The following ERBB3 variants were observed in gnomAD, a reference collection of about 807,000 sequenced individuals.
The protein encoded by ERBB3 is receptor tyrosine-protein kinase erbB-3.
ERBB3 carries 96 observed loss-of-function variants against 156.7 expected under a neutral mutation model. The observed-to-expected ratio is 0.61, with a 90% confidence interval of 0.52 to 0.73. The LOEUF is 0.73. Ranked by LOEUF, ERBB3 falls within the 30% of genes least tolerant of loss-of-function variation. ERBB3 has a pLI of 0.00. For missense variants in ERBB3, 1,406 were observed against 1,709.4 expected, an observed-to-expected ratio of 0.82 and a Z score of 3.13; for synonymous variants, 567 against 632.0, an observed-to-expected ratio of 0.90 and a Z score of 1.54.
rs148289233 is a variant in ERBB3 at position 56,089,683 on chromosome 12, T to G, written c.1109+815T>G. On this transcript the variant is annotated intron_variant, in intron 9 of 27. Transcript: ENST00000267101. ...TCACTTGAACCCAGGAGGCGGAAAT[T>G]GCAGTGAACCGAGATTACACCACCG... is the stretch of plus-strand genomic sequence containing the variant. Among the ~76,000 whole-genome samples, 71 of 151,068 alleles carry G rather than the reference T, an allele frequency of 4.7e-4. 1 individual carries two copies. In the East Asian group the frequency reaches 0.013, roughly 27 times the overall value.
chr12:56,097,630 T>A (rs1435332426), intron 20 of ERBB3, among the ~76,000 whole-genome samples, 155 bp from the exon 21 acceptor site: 1 of 151,098 alleles, frequency 6.6e-6, no homozygotes, highest in Admixed American at 6.6e-5. Flanking sequence ...ACCCTCCCCT[T>A]CCCCTGGAAA....
chr12:56,096,294 CT>C (rs1868886192), intron 17 of ERBB3: 1 of 634,564 alleles, frequency 1.6e-6, no homozygotes, highest in African/African-American at 1.8e-5. Flanking sequence ...AACCCAACCC[CT>C]TTGATTCCTG....
intron 9 of ERBB3, 107 bp downstream of exon 9, chr12:56,088,975 TA>T (rs1868579073): frequency 6.8e-7 from 1 of 1,463,558 alleles, no homozygotes; most frequent in Admixed American, 1.7e-5. Context: ...ATCAAAGTCA[TA>T]AAATTCTAGC....
Position 56,102,401 on chromosome 12 carries a change from C to T in ERBB3, c.*346C>T. On this transcript the variant is annotated 3_prime_UTR_variant, in exon 28 of 28. Transcript: ENST00000267101. ...GCTCTTGACTACTTGGAACTAGGCTCTTATGTGTGCCTTTGTTTCCCATCA... is the reference window on the plus strand; with the variant it reads ...GCTCTTGACTACTTGGAACTAGGCTTTTATGTGTGCCTTTGTTTCCCATCA... The T allele has an allele frequency of 3.2e-6, 1 of 309,246 alleles. No homozygotes were observed. The allele number at this position is 309,246 out of a possible 1,614,324, so 19.2% of individuals were successfully genotyped here. A position where few individuals can be genotyped will look rare whatever the true frequency, so the allele number is the denominator to read the frequency against.
intron 17 of ERBB3, chr12:56,096,123 T>C: frequency 2.0e-6 from 1 of 511,468 alleles, no homozygotes; most frequent in South Asian, 2.1e-5. Context: ...GAAATAACAT[T>C]TGTCCTTCCA....
chr12:56,092,256 G>A (rs984539040), intron 9 of ERBB3, among the ~76,000 whole-genome samples: 3 of 151,666 alleles, frequency 2.0e-5, no homozygotes, highest in Non-Finnish European at 4.4e-5. Flanking sequence ...AGGCATGGTG[G>A]TGTGCTCCTG....
Position 56,103,188 on chromosome 12 carries a change from T to A in ERBB3, c.*1133T>A, listed in dbSNP as rs1869183931. ...CATCCTCCTATACCTAGACATCTCA[T>A]CTCAGGAAGTGGTGGTGGGGGTAGT... On this transcript the variant is annotated 3_prime_UTR_variant, in exon 28 of 28. Coordinates refer to ENST00000267101, the MANE Select transcript of ERBB3 (RefSeq NM_001982.4). The A allele has an allele frequency of 4.3e-6, 1 of 230,176 alleles. No individual in the cohort carries two copies. The highest frequency in any genetic ancestry group is 6.2e-5 in the East Asian group (1 of 16,160). 14.3% of individuals were successfully genotyped at this position (230,176 alleles called of 1,614,324 possible).
intron 3 of ERBB3, 128 bp from the exon 4 acceptor site, chr12:56,086,403 A>G (rs1014913409): frequency 1.1e-5 from 12 of 1,135,972 alleles, no homozygotes; most frequent in Non-Finnish European, 1.6e-5. Context: ...GCTTAGATTT[A>G]ATTGGACCTA....
chr12:56,091,964 C>T (rs1368077476), intron 9 of ERBB3, among the ~76,000 whole-genome samples: 1 of 151,854 alleles, frequency 6.6e-6, no homozygotes, highest in Non-Finnish European at 1.5e-5. Context: ...GTAATCTCAG[C>T]CCTTTGGGAG....
chr12:56,094,260 T>C, intron 14 of ERBB3, 71 bp downstream of exon 14: 1 of 1,452,716 alleles, frequency 6.9e-7, no homozygotes. Flanking sequence ...TGGGGAATGA[T>C]ATGGCTAAGG....
intron 26 of ERBB3, among the ~76,000 whole-genome samples, chr12:56,100,796 T>C (rs954294571): frequency 1.3e-5 from 2 of 151,290 alleles, no homozygotes; most frequent in Admixed American, 1.3e-4. Flanking sequence ...AAAAACTAGC[T>C]GCACATGATG....
intron 3 of ERBB3, 124 bp downstream of exon 3, chr12:56,085,305 C>A (rs1868441597): frequency 6.3e-7 from 1 of 1,579,304 alleles, no homozygotes; most frequent in African/African-American, 1.3e-5. Flanking sequence ...ACCTTGGCCG[C>A]TGTCTAAAGG....
intron 20 of ERBB3, 51 bp downstream of exon 20, chr12:56,097,281 CAGCCAGGAAAA>C (rs1868921065): frequency 1.3e-6 from 2 of 1,573,866 alleles, no homozygotes; most frequent in Middle Eastern, 1.8e-4. Context: ...GTCTGGGGGC[CAGCCAGGAAAA>C]AGTGAGAAGG....
chr12:56,100,298 T>A, intron 26 of ERBB3, 53 bp downstream of exon 26: 1 of 1,379,106 alleles, frequency 7.3e-7, no homozygotes, highest in Non-Finnish European at 1.0e-6. Context: ...ATACGAGTAG[T>A]ATGGAAGACA....
intron 23 of ERBB3, 72 bp from the exon 24 acceptor site, chr12:56,099,576 G>T: frequency 7.6e-7 from 1 of 1,309,504 alleles, no homozygotes; most frequent in Non-Finnish European, 1.1e-6. Context: ...TGGGATTATA[G>T]GTGTGAGCCA....
In ERBB3 at chr12:56,101,614, G is replaced by A. The variant is rs148498435; in HGVS notation, c.3588G>A (p.Glu1196=). Residue 1196 remains glutamate, a synonymous_variant, in exon 28 of 28, where the codon GAG becomes GAA. Transcript: ENST00000267101. ...CTGAAGAAGAAGATGAAGATGAGGA[G>A]TATGAATACATGAACCGGAGGAGAA... The part of the protein sequence containing the change: ...LGTEEEDEDE[E]YEYMNRRRRH... The A allele has an allele frequency of 1.3e-4, 210 of 1,613,936 alleles. No individual in the cohort carries two copies. The highest frequency in any genetic ancestry group is 1.7e-4 in the Non-Finnish European group (204 of 1,180,020).
At chr12:56,089,097 A>G (rs1201366888) in intron 9 of ERBB3, 1 of 637,194 alleles carries the variant, frequency 1.6e-6, no homozygotes, top group East Asian at 3.2e-5. Context: ...AACAAGGGAC[A>G]GGAACAACAT....
At position 56,080,312 on chromosome 12, in the gene ERBB3, C is replaced by G; in HGVS notation, c.12C>G (p.Asn4Lys). 6.4e-7 allele frequency: 1 copy of G among 1,573,014 alleles called. No homozygotes were observed. The highest frequency in any genetic ancestry group is 8.6e-7 in the Non-Finnish European group (1 of 1,157,906). ...CCCTCTGCGGAGTCATGAGGGCGAA[C>G]GACGCTCTGCAGGTGCTGGGCTTGC... The part of the protein sequence containing the change: MRA[N>K]DALQVLGLLF... The change falls in exon 1 of 28, where the codon AAC becomes AAG. Residue 4 changes from asparagine (N) to lysine (K), a missense_variant. Asn to Lys is a moderately conservative substitution (Grantham distance 94). Coordinates refer to ENST00000267101, the MANE Select transcript of ERBB3 (RefSeq NM_001982.4).
At chr12:56,099,774 A>T in intron 24 of ERBB3, 29 bp downstream of exon 24, 1 of 1,613,364 alleles carries the variant, frequency 6.2e-7, no homozygotes, top group East Asian at 2.2e-5. Context: ...GTGCTAAGGA[A>T]ATTTAGAAAA....
Sources: allele counts gnomAD v4.1 joint callset (sites outside exome capture counted in the v4.1 genomes callset), GRCh38; gene constraint gnomAD v4.1.1; transcripts MANE v1.5; gene names NCBI Gene and HGNC (gene_info 2026-07-23, HGNC 2026-07-21).